GALNT13: variants seen among roughly 807,000 people sequenced by gnomAD.
GALNT13 encodes polypeptide N-acetylgalactosaminyltransferase 13, also known as UDP-GalNAc:polypeptide N-acetylgalactosaminyltransferase 13.
In GALNT13, 28 loss-of-function variants were observed where a neutral mutation model predicts 64.2. The observed-to-expected ratio is 0.44, with a 90% CI of 0.32 to 0.60. The LOEUF is 0.60. GALNT13 is among the 20% of genes least tolerant of loss of function. The probability of loss-of-function intolerance (pLI) is 0.05; values close to 1 mark genes in which losing one functional copy is unlikely to be tolerated. For missense variants in GALNT13, 577 were observed against 669.8 expected (o/e 0.86, Z 1.53); for synonymous variants, 214 against 224.6 (o/e 0.95, Z 0.42).
At chr2:153,285,169 C>T in the GALNT13 span, among the ~76,000 whole-genome samples, 10 of 152,086 alleles carry the variant, frequency 6.6e-5, no homozygotes, top group Admixed American at 1.3e-4. Context: ...GGGGAAATGC[C>T]GGACACTTAT....
intron 2 of GALNT13, among the ~76,000 whole-genome samples, chr2:153,914,471 G>A (rs1385834820): frequency 8.5e-6 from 1 of 117,956 alleles, no homozygotes; most frequent in Non-Finnish European, 1.7e-5. Flanking sequence ...GCAAAAGTGC[G>A]AGTCTCCGTC....
chr2:154,325,185 A>C (rs1488187777), intron 9 of GALNT13, among the ~76,000 whole-genome samples: 1 of 152,114 alleles, frequency 6.6e-6, no homozygotes, highest in Non-Finnish European at 1.5e-5. Flanking sequence ...CAGTTTGAAC[A>C]GGAACATCCT....
At chr2:153,754,162 A>C in the GALNT13 span, among the ~76,000 whole-genome samples, 1 of 152,126 alleles carries the variant, frequency 6.6e-6, no homozygotes, top group African/African-American at 2.4e-5. Flanking sequence ...TCCTGGAATC[A>C]GAGACCCCAA....
chr2:153,310,776 G>A, the GALNT13 span, among the ~76,000 whole-genome samples: 1 of 152,044 alleles, frequency 6.6e-6, no homozygotes, highest in Non-Finnish European at 1.5e-5. Context: ...AACTGCATGG[G>A]GGTACAGTTC....
At chr2:153,655,513 A>G in the GALNT13 span, among the ~76,000 whole-genome samples, 1 of 152,118 alleles carries the variant, frequency 6.6e-6, no homozygotes, top group Non-Finnish European at 1.5e-5. Flanking sequence ...CAATAAATCG[A>G]TCCAAACCAA....
chr2:154,347,548 G>GT (rs1386678602), intron 9 of GALNT13, among the ~76,000 whole-genome samples: 2 of 152,074 alleles, frequency 1.3e-5, no homozygotes, highest in Non-Finnish European at 2.9e-5. Context: ...TATAGATGTT[G>GT]TTTTTTCTCA....
chr2:154,242,341 C>A lies in GALNT13; in HGVS notation c.478+145C>A, dbSNP rs548064666. ...ATAATTTTACTAGCCCTGCCACAGC[C>A]TATCAGATTCTCATCAAGAACCTCA... On this transcript the variant is annotated intron_variant, in intron 5 of 12. Coordinates refer to ENST00000392825, the MANE Select transcript of GALNT13 (RefSeq NM_052917.4). 2.5e-4 allele frequency: 172 copies of A among 675,216 alleles called. No homozygotes were observed. The African/African-American group carries it at 2.8e-3, about 11-fold the overall frequency. 41.8% of individuals were successfully genotyped at this position (675,216 alleles called of 1,614,324 possible).
At chr2:154,134,943 A>T (rs1039241950) in intron 3 of GALNT13, among the ~76,000 whole-genome samples, 1 of 152,176 alleles carries the variant, frequency 6.6e-6, no homozygotes, top group African/African-American at 2.4e-5. Context: ...CTGAGATCGC[A>T]CCACTGCACT....
chr2:153,227,268 C>A, the GALNT13 span, among the ~76,000 whole-genome samples: 2 of 152,128 alleles, frequency 1.3e-5, no homozygotes, highest in South Asian at 4.1e-4. Context: ...CTAGGACCTC[C>A]AGGTCGATGA....
the GALNT13 span, among the ~76,000 whole-genome samples, chr2:153,489,268 A>C: frequency 6.6e-6 from 1 of 152,214 alleles, no homozygotes; most frequent in African/African-American, 2.4e-5. Context: ...TACTTCCTAA[A>C]TCTATAAAAA....
the GALNT13 span, among the ~76,000 whole-genome samples, chr2:153,304,630 C>T: frequency 6.6e-6 from 1 of 152,072 alleles, no homozygotes; most frequent in East Asian, 1.9e-4. Context: ...TTTCCCTCCC[C>T]ATAATTAAGG....
the GALNT13 span, among the ~76,000 whole-genome samples, chr2:153,451,043 C>T: frequency 6.6e-6 from 1 of 152,032 alleles, no homozygotes; most frequent in South Asian, 2.1e-4. Context: ...TATCAAACAC[C>T]CCAGGGAGGC....
chr2:153,481,297 T>C, the GALNT13 span, among the ~76,000 whole-genome samples: 2 of 152,298 alleles, frequency 1.3e-5, no homozygotes, highest in Non-Finnish European at 2.9e-5. Context: ...CTTAAGGGGA[T>C]CTGTGTTGCT....
At position 154,375,766 on chromosome 2, in the gene GALNT13, T is replaced by C. The variant is rs564370935; in HGVS notation, c.1157-20225T>C. On this transcript the variant is annotated intron_variant, in intron 9 of 12. Transcript: ENST00000392825. The stretch of plus-strand genomic sequence containing the variant: ...CGCTCTTAGGAGAGGGACTGTTTTT[T>C]TGCACGGAGGGATTAGCAAATCCGA... Among the ~76,000 whole-genome samples the C allele has an allele frequency of 1.8e-3, 277 of 152,246 alleles. 3 individuals carry two copies. The highest frequency in any genetic ancestry group is 6.5e-3 in the African/African-American group (272 of 41,546).
chr2:153,497,522 ATTTTTTTTTTTTTTTTTTT>A, the GALNT13 span, among the ~76,000 whole-genome samples: 6 of 36,896 alleles, frequency 1.6e-4, no homozygotes, highest in Non-Finnish European at 2.4e-4. Flanking sequence ...TTTCTCCCGC[ATTTTTTTTTTTTTTTTTTT>A]TTTTTTTTTT....
intron 3 of GALNT13, among the ~76,000 whole-genome samples, chr2:154,052,734 CTT>C (rs548779869): frequency 2.4e-5 from 3 of 123,126 alleles, no homozygotes; most frequent in Admixed American, 8.2e-5. Flanking sequence ...ACAGAATTGA[CTT>C]TTTTTTTTTT....
the GALNT13 span, among the ~76,000 whole-genome samples, chr2:153,527,392 TTA>T: frequency 1.3e-5 from 2 of 152,066 alleles, no homozygotes; most frequent in Non-Finnish European, 1.5e-5. Flanking sequence ...CAAGACATAT[TTA>T]AAGTGCGGAA....
chr2:153,644,671 C>T, the GALNT13 span, among the ~76,000 whole-genome samples: 1 of 152,070 alleles, frequency 6.6e-6, no homozygotes, highest in African/African-American at 2.4e-5. Context: ...CACCAACCCA[C>T]CCTACTTCTT....
the GALNT13 span, among the ~76,000 whole-genome samples, chr2:153,745,773 T>G: frequency 6.6e-6 from 1 of 152,148 alleles, no homozygotes; most frequent in African/African-American, 2.4e-5. Flanking sequence ...TGGACTGGAG[T>G]GCAGTGAGGC....
Sources: allele counts gnomAD v4.1 joint callset (sites outside exome capture counted in the v4.1 genomes callset), GRCh38; gene constraint gnomAD v4.1.1; transcripts MANE v1.5; gene names NCBI Gene and HGNC (gene_info 2026-07-23, HGNC 2026-07-21).